The following CTNNA2 variants were observed in gnomAD, a reference collection of about 807,000 sequenced individuals.
CTNNA2 encodes catenin alpha-2.
Under a neutral mutation model 101.0 loss-of-function variants are expected in CTNNA2, and 42 were observed. The observed-to-expected ratio is 0.42, with a 90% CI of 0.32 to 0.54. The LOEUF (loss-of-function observed/expected upper bound fraction) is 0.54, where lower values mean the gene tolerates loss of function less well. Ranked by LOEUF, CTNNA2 falls within the 20% of genes least tolerant of loss-of-function variation. The pLI is 0.14. For missense variants in CTNNA2, 871 were observed against 1,223.1 expected (o/e 0.71, Z 4.29); for synonymous variants, 450 against 456.4 (o/e 0.99, Z 0.18).
intron 7 of CTNNA2, among the ~76,000 whole-genome samples, chr2:80,378,966 G>T (rs966255385): frequency 1.3e-5 from 2 of 152,080 alleles, no homozygotes; most frequent in Non-Finnish European, 2.9e-5. Context: ...TGTAGAGGAT[G>T]CTTCAGGATG....
At chr2:79,928,315 CT>C (rs1284392769) in intron 7 of CTNNA2, among the ~76,000 whole-genome samples, 1 of 152,132 alleles carries the variant, frequency 6.6e-6, no homozygotes, top group African/African-American at 2.4e-5. Context: ...TATTATTCAA[CT>C]GTGTTCAAAT....
Position 80,297,357 on chromosome 2 carries a change from C to T in CTNNA2, c.1057-95854C>T, listed in dbSNP as rs181026584. On this transcript the variant is annotated intron_variant, in intron 7 of 18. Transcript: ENST00000402739. ...AGCTGGGTGACTTTGCACAATGTAC[C>T]TGACTTCTGTAAGCCTCAGGTTCTT... Among the ~76,000 whole-genome samples the T allele has an allele frequency of 2.8e-4, 43 of 152,274 alleles. No individual in the cohort carries two copies. The East Asian group carries it at 6.6e-3, about 23-fold the overall frequency.
At chr2:79,219,831 A>G (rs1382721903) in intron 2 of CTNNA2, among the ~76,000 whole-genome samples, 1 of 152,174 alleles carries the variant, frequency 6.6e-6, no homozygotes, top group Non-Finnish European at 1.5e-5. Context: ...GCCATTTGGG[A>G]TAGAGACATC....
intron 7 of CTNNA2, among the ~76,000 whole-genome samples, chr2:80,176,861 A>G (rs1705428568): frequency 6.6e-6 from 1 of 152,168 alleles, no homozygotes; most frequent in Admixed American, 6.5e-5. Flanking sequence ...CCAAGTGGCA[A>G]TCTTAACTTC....
intron 7 of CTNNA2, among the ~76,000 whole-genome samples, chr2:80,013,653 G>A (rs773509881): frequency 6.6e-6 from 1 of 152,096 alleles, no homozygotes; most frequent in African/African-American, 2.4e-5. Flanking sequence ...TTCCACCCAC[G>A]TAATTTACCC....
intron 7 of CTNNA2, among the ~76,000 whole-genome samples, chr2:80,018,767 C>T (rs1042801334): frequency 3.9e-4 from 53 of 134,424 alleles, no homozygotes; most frequent in Middle Eastern, 4.0e-3. Flanking sequence ...GGCGACAGGG[C>T]GAGACTCTGT....
chr2:80,643,290 G>T (rs762573771), intron 18 of CTNNA2, among the ~76,000 whole-genome samples: 13 of 152,044 alleles, frequency 8.6e-5, no homozygotes, highest in Non-Finnish European at 1.5e-4. Flanking sequence ...GATGGCCTGG[G>T]TTTACATCTT....
At chr2:80,147,576 T>C (rs1438969795) in intron 7 of CTNNA2, among the ~76,000 whole-genome samples, 1 of 152,160 alleles carries the variant, frequency 6.6e-6, no homozygotes, top group Non-Finnish European at 1.5e-5. Context: ...CCCTTGTAAA[T>C]CACTTTTAGG....
intron 3 of CTNNA2, among the ~76,000 whole-genome samples, chr2:79,331,276 A>G (rs1427332627): frequency 6.6e-6 from 1 of 152,086 alleles, no homozygotes; most frequent in Non-Finnish European, 1.5e-5. Flanking sequence ...CAAAACCAAC[A>G]TGCCCTTCTC....
intron 12 of CTNNA2, among the ~76,000 whole-genome samples, chr2:80,559,891 T>TTTTTATATATATATATATATATACACAC (rs67796030): frequency 4.1e-5 from 6 of 146,816 alleles, no homozygotes; most frequent in Admixed American, 3.3e-4. Flanking sequence ...TATATATATA[T>TTTTTATATATATATATATATATACACAC]ACACACACAT....
In CTNNA2 at chr2:80,190,633, T is replaced by G. The variant is rs571726377; in HGVS notation, c.1057-202578T>G. ...ATACAGGGTTATTCTAAGGGTATGC[T>G]GAAATCATTGCTATCAGGTGCATTT... On this transcript the variant is annotated intron_variant, in intron 7 of 18. Transcript: ENST00000402739. Among the ~76,000 whole-genome samples, 14 of 152,280 alleles carry G rather than the reference T, an allele frequency of 9.2e-5. No homozygotes were observed. In the East Asian group the frequency reaches 2.5e-3, roughly 27 times the overall value.
intron 7 of CTNNA2, among the ~76,000 whole-genome samples, chr2:80,356,927 A>C (rs1673870306): frequency 6.6e-6 from 1 of 152,216 alleles, no homozygotes; most frequent in South Asian, 2.1e-4. Flanking sequence ...ATCTCCTCAA[A>C]AGGCTAGAGG....
chr2:79,814,013 C>A (rs1003936797), intron 3 of CTNNA2, among the ~76,000 whole-genome samples: 20 of 152,034 alleles, frequency 1.3e-4, no homozygotes, highest in Non-Finnish European at 1.0e-4. Context: ...AGCTGCATCG[C>A]TCCAATCTCT....
chr2:79,379,901 A>C (rs1678020270), intron 4 of CTNNA2, among the ~76,000 whole-genome samples: 1 of 152,210 alleles, frequency 6.6e-6, no homozygotes, highest in Non-Finnish European at 1.5e-5. Flanking sequence ...GTAAATATAG[A>C]CAAATTCAAT....
chr2:79,465,633 T>C (rs1462098790), intron 4 of CTNNA2, among the ~76,000 whole-genome samples: 1 of 152,220 alleles, frequency 6.6e-6, no homozygotes, highest in African/African-American at 2.4e-5. Flanking sequence ...GTTCTTCTAT[T>C]TGTTTGTGTC....
chr2:79,511,967 A>G (rs1671555943), upstream of CTNNA2, among the ~76,000 whole-genome samples: 1 of 152,210 alleles, frequency 6.6e-6, no homozygotes, highest in African/African-American at 2.4e-5. Flanking sequence ...AAACTTCCAC[A>G]GATTTTCTTT....
intron 7 of CTNNA2, among the ~76,000 whole-genome samples, chr2:80,357,167 A>G (rs780706962): frequency 2.7e-5 from 4 of 150,484 alleles, no homozygotes; most frequent in Non-Finnish European, 5.9e-5. Context: ...GTACCTGTTC[A>G]TCACCACAGA....
chr2:80,430,704 T>C (rs1020239921), intron 9 of CTNNA2, among the ~76,000 whole-genome samples: 2 of 152,180 alleles, frequency 1.3e-5, no homozygotes, highest in Non-Finnish European at 2.9e-5. Context: ...ACTTTAATAG[T>C]AGTGTTGCCA....
intron 7 of CTNNA2, among the ~76,000 whole-genome samples, chr2:80,005,494 C>T (rs953031665): frequency 1.3e-5 from 2 of 152,126 alleles, no homozygotes; most frequent in Admixed American, 6.6e-5. Context: ...AACTAACATT[C>T]GCTGTTCTTC....
Sources: allele counts gnomAD v4.1 joint callset (sites outside exome capture counted in the v4.1 genomes callset), GRCh38; gene constraint gnomAD v4.1.1; transcripts MANE v1.5; gene names NCBI Gene and HGNC (gene_info 2026-07-23, HGNC 2026-07-21).